The following TMEM132B variants were observed in gnomAD, a reference collection of about 807,000 sequenced individuals.
TMEM132B encodes the protein transmembrane protein 132B.
A neutral mutation model predicts 90.8 loss-of-function variants in TMEM132B; 18 were observed. That is an observed-to-expected ratio of 0.20 (90% CI 0.14 to 0.29). TMEM132B has a LOEUF of 0.29. Among genes scored for constraint, TMEM132B ranks in the 10% least tolerant of loss-of-function variants. TMEM132B has a pLI of 1.00. For synonymous variants in TMEM132B, 504 were observed against 523.3 expected (o/e 0.96, Z 0.50); for missense variants, 1,096 against 1,326.8 (o/e 0.83, Z 2.70).
intron 1 of TMEM132B, among the ~76,000 whole-genome samples, chr12:125,218,498 A>C (rs1045487042): frequency 1.3e-5 from 2 of 152,176 alleles, no homozygotes; most frequent in Non-Finnish European, 2.9e-5. Flanking sequence ...GAAATCTAAA[A>C]ATCTCAAACG....
At chr12:125,287,377 G>A in intron 1 of TMEM132B, among the ~76,000 whole-genome samples, 1 of 152,110 alleles carries the variant, frequency 6.6e-6, no homozygotes. Flanking sequence ...ATTGGGACGT[G>A]GGCATCTTTT....
chr12:125,310,997 C>G (rs906953688), intron 1 of TMEM132B, among the ~76,000 whole-genome samples: 1 of 152,220 alleles, frequency 6.6e-6, no homozygotes, highest in Non-Finnish European at 1.5e-5. Flanking sequence ...CCCAACTCTT[C>G]AGTGAAAGAC....
At chr12:125,558,344 C>G (rs1453541221) in intron 4 of TMEM132B, among the ~76,000 whole-genome samples, 1 of 152,088 alleles carries the variant, frequency 6.6e-6, no homozygotes, top group Non-Finnish European at 1.5e-5. Flanking sequence ...CTTAGGTGAA[C>G]TCTGTAAAGT....
intron 4 of TMEM132B, among the ~76,000 whole-genome samples, chr12:125,524,808 T>C (rs571987009): frequency 6.6e-6 from 1 of 152,244 alleles, no homozygotes; most frequent in African/African-American, 2.4e-5. Context: ...GCTGATTTGC[T>C]GAGTCAGACA....
rs1175357511 is a variant in TMEM132B, at chr12:125,534,181, C to T, written c.1293+14556C>T. 3.3e-5 allele frequency among the ~76,000 whole-genome samples: 5 copies of T among 152,238 alleles called. No individual in the cohort carries two copies. The East Asian group carries it at 7.7e-4, about 24-fold the overall frequency. ...AATCTAATATGAAGTTTCTGAACTT[C>T]AAAAAACCATTAATCACTACAAGGA... On this transcript the variant is annotated intron_variant, in intron 4 of 8. Transcript: ENST00000682704.
chr12:125,626,475 A>G (rs1162813366), intron 5 of TMEM132B, among the ~76,000 whole-genome samples: 1 of 152,192 alleles, frequency 6.6e-6, no homozygotes, highest in Non-Finnish European at 1.5e-5. Flanking sequence ...TTTTCTCCAT[A>G]GTGGTTGTAC....
At position 125,553,714 on chromosome 12, in the gene TMEM132B, G is replaced by T. The variant is rs967693361; in HGVS notation, c.1294-30137G>T. On this transcript the variant is annotated intron_variant, in intron 4 of 8. Coordinates refer to ENST00000682704, the MANE Select transcript of TMEM132B (RefSeq NM_001366854.1). The stretch of plus-strand genomic sequence containing the variant: ...AATTCTCTTTCAACATTTCTGATTA[G>T]GTCAAGAACAGATTCTACTGTGTTT... Among the ~76,000 whole-genome samples the T allele has an allele frequency of 3.3e-5, 5 of 152,134 alleles. No homozygotes were observed. In the East Asian group the frequency reaches 9.6e-4, roughly 29 times the overall value.
chr12:125,207,666 G>A (rs957226649), intron 1 of TMEM132B, among the ~76,000 whole-genome samples: 31 of 152,140 alleles, frequency 2.0e-4, no homozygotes, highest in African/African-American at 7.0e-4. Context: ...TCCAACCATC[G>A]CCGCCATCCA....
intron 2 of TMEM132B, among the ~76,000 whole-genome samples, chr12:125,375,417 A>G (rs1878444142): frequency 6.6e-6 from 1 of 152,238 alleles, no homozygotes; most frequent in Admixed American, 6.5e-5. Flanking sequence ...GACAGCAAAG[A>G]GATACATTTT....
At chr12:125,332,875 A>G (rs992022871) in intron 1 of TMEM132B, among the ~76,000 whole-genome samples, 1 of 151,492 alleles carries the variant, frequency 6.6e-6, no homozygotes, top group African/African-American at 2.5e-5. Context: ...CAAAAACAAG[A>G]AAGAGAACAA....
intron 4 of TMEM132B, among the ~76,000 whole-genome samples, chr12:125,543,100 C>A (rs544314355): frequency 1.4e-4 from 22 of 152,302 alleles, no homozygotes; most frequent in African/African-American, 5.3e-4. Context: ...TTAGAAACAG[C>A]TGAATCCAGG....
chr12:125,483,244 T>TA (rs764666712), intron 3 of TMEM132B, among the ~76,000 whole-genome samples: 7 of 151,726 alleles, frequency 4.6e-5, no homozygotes, highest in Non-Finnish European at 8.8e-5. Context: ...TAAAGTGTAA[T>TA]AAAAAAAACA....
intron 2 of TMEM132B, among the ~76,000 whole-genome samples, chr12:125,402,304 C>G (rs901485055): frequency 6.6e-6 from 1 of 152,208 alleles, no homozygotes; most frequent in African/African-American, 2.4e-5. Context: ...ATTCTCCTGC[C>G]TCAGCCTCTG....
At chr12:125,548,524 G>A (rs1178855137) in intron 4 of TMEM132B, among the ~76,000 whole-genome samples, 3 of 152,148 alleles carry the variant, frequency 2.0e-5, no homozygotes, top group South Asian at 2.1e-4. Context: ...AGGATAAGAC[G>A]ACAGTCCCTG....
chr12:125,566,328 T>G (rs1884656670), intron 4 of TMEM132B, among the ~76,000 whole-genome samples: 2 of 152,220 alleles, frequency 1.3e-5, no homozygotes, highest in African/African-American at 2.4e-5. Flanking sequence ...TCTTATTCTG[T>G]TTCCTGTAAA....
chr12:125,267,448 C>G (rs756212634), intron 1 of TMEM132B, among the ~76,000 whole-genome samples: 16 of 152,310 alleles, frequency 1.1e-4, no homozygotes, highest in Non-Finnish European at 2.4e-4. Flanking sequence ...GAAAGGTAAT[C>G]TCCGACCTTG....
intron 1 of TMEM132B, among the ~76,000 whole-genome samples, chr12:125,210,306 G>C (rs1206294464): frequency 6.6e-6 from 1 of 152,142 alleles, no homozygotes. Context: ...CGAGTGCAAA[G>C]GTCCTGGGGC....
chr12:125,211,222 G>A (rs1357259911), intron 1 of TMEM132B, among the ~76,000 whole-genome samples: 1 of 152,172 alleles, frequency 6.6e-6, no homozygotes, highest in Non-Finnish European at 1.5e-5. Flanking sequence ...GGTGTCTCTG[G>A]GTGGAACAGG....
At chr12:125,316,806 CTG>C (rs1876292407) in intron 1 of TMEM132B, among the ~76,000 whole-genome samples, 1 of 152,224 alleles carries the variant, frequency 6.6e-6, no homozygotes, top group Admixed American at 6.5e-5. Context: ...ATCCCACAAA[CTG>C]TACTACAGGC....
Sources: allele counts gnomAD v4.1 joint callset (sites outside exome capture counted in the v4.1 genomes callset), GRCh38; gene constraint gnomAD v4.1.1; transcripts MANE v1.5; gene names NCBI Gene and HGNC (gene_info 2026-07-23, HGNC 2026-07-21).